MAPK8: variants seen among roughly 807,000 people sequenced by gnomAD.
The protein encoded by MAPK8 is mitogen-activated protein kinase 8.
In MAPK8, 13 loss-of-function variants were observed where a neutral mutation model predicts 52.9. That is an observed-to-expected ratio of 0.25 (90% CI 0.16 to 0.39). The LOEUF (loss-of-function observed/expected upper bound fraction) is 0.39. Among genes scored for constraint, MAPK8 ranks in the 10% least tolerant of loss-of-function variants. MAPK8 has a pLI of 1.00. For synonymous variants in MAPK8, 191 were observed against 169.8 expected (o/e 1.12, Z -0.97); for missense variants, 300 against 519.2 (o/e 0.58, Z 4.10).
intron 1 of MAPK8, among the ~76,000 whole-genome samples, chr10:48,392,925 A>G (rs960071749): frequency 2.0e-5 from 3 of 152,068 alleles, no homozygotes; most frequent in African/African-American, 7.2e-5. Flanking sequence ...CGTTCGCTCT[A>G]CTCAAATGGC....
intron 9 of MAPK8, 49 bp from the exon 10 acceptor site, chr10:48,427,031 A>G (rs2043727676): frequency 7.2e-7 from 1 of 1,388,796 alleles, no homozygotes; most frequent in African/African-American, 1.4e-5. Context: ...TACAGAGTTA[A>G]AATACTCCCA....
At chr10:48,315,677 T>G (rs1842429807) in intron 1 of MAPK8, among the ~76,000 whole-genome samples, 1 of 150,582 alleles carries the variant, frequency 6.6e-6, no homozygotes, top group Admixed American at 6.6e-5. Context: ...AGAAAGCTTT[T>G]TATTTTGTAT....
At chr10:48,354,509 G>A (rs1367571626) in intron 1 of MAPK8, among the ~76,000 whole-genome samples, 3 of 152,182 alleles carry the variant, frequency 2.0e-5, no homozygotes, top group African/African-American at 4.8e-5. Context: ...AGTTTTTAAT[G>A]TGCATCAGAA....
At chr10:48,342,575 A>G (rs985051280) in intron 1 of MAPK8, among the ~76,000 whole-genome samples, 5 of 152,220 alleles carry the variant, frequency 3.3e-5, no homozygotes, top group Admixed American at 2.0e-4. Flanking sequence ...TTAGGGAACT[A>G]TTGCAGTTAT....
intron 1 of MAPK8, among the ~76,000 whole-genome samples, chr10:48,382,136 C>T (rs1801065256): frequency 6.6e-6 from 1 of 152,100 alleles, no homozygotes; most frequent in Non-Finnish European, 1.5e-5. Context: ...AGCTCACAGA[C>T]AAGTCAAATA....
chr10:48,351,065 G>A (rs1210295996), intron 1 of MAPK8, among the ~76,000 whole-genome samples: 2 of 152,104 alleles, frequency 1.3e-5, no homozygotes, highest in African/African-American at 4.8e-5. Context: ...TACAAGGGAT[G>A]TGAAGGACCT....
At chr10:48,389,948 G>T (rs2041531550) in intron 1 of MAPK8, among the ~76,000 whole-genome samples, 1 of 152,134 alleles carries the variant, frequency 6.6e-6, no homozygotes, top group Non-Finnish European at 1.5e-5. Context: ...TGTGGGTATG[G>T]AGGTTCATAG....
chr10:48,394,739 G>C (rs2041806750), intron 1 of MAPK8, among the ~76,000 whole-genome samples: 1 of 151,664 alleles, frequency 6.6e-6, no homozygotes, highest in Admixed American at 6.6e-5. Context: ...AGTGGAGCAA[G>C]AAAAAGAATT....
At chr10:48,370,812 A>G (rs1017761892) in intron 1 of MAPK8, among the ~76,000 whole-genome samples, 10 of 152,138 alleles carry the variant, frequency 6.6e-5, no homozygotes, top group African/African-American at 1.9e-4. Context: ...TCATACTGAG[A>G]TGACCAAGAG....
chr10:48,408,842 A>G (rs1378103472), intron 3 of MAPK8, among the ~76,000 whole-genome samples: 1 of 152,146 alleles, frequency 6.6e-6, no homozygotes, highest in Non-Finnish European at 1.5e-5. Context: ...TTGATTCTTG[A>G]TGAGGGCCTG....
At chr10:48,363,888 C>T (rs1024841855) in intron 1 of MAPK8, among the ~76,000 whole-genome samples, 1 of 152,162 alleles carries the variant, frequency 6.6e-6, no homozygotes, top group East Asian at 1.9e-4. Flanking sequence ...TTCTGAAAAG[C>T]TGGTGAAGTG....
intron 1 of MAPK8, among the ~76,000 whole-genome samples, chr10:48,320,211 CTT>C (rs71026206): frequency 6.2e-3 from 220 of 35,202 alleles, no homozygotes; most frequent in African/African-American, 0.019. Context: ...ACTGCTCGGC[CTT>C]TTTTTTTTTT....
intron 1 of MAPK8, among the ~76,000 whole-genome samples, chr10:48,381,908 C>T (rs915890074): frequency 6.6e-6 from 1 of 152,162 alleles, no homozygotes; most frequent in African/African-American, 2.4e-5. Flanking sequence ...GTCGCAACTA[C>T]CCACGTGGCA....
At chr10:48,308,311 A>G (rs148231570) in intron 1 of MAPK8, 7 of 152,308 alleles carry the variant, frequency 4.6e-5, no homozygotes, top group African/African-American at 1.7e-4. Flanking sequence ...TAAAAGTCGG[A>G]TTGATGAAAA....
At chr10:48,325,450 G>A (rs1219630632) in intron 1 of MAPK8, among the ~76,000 whole-genome samples, 2 of 152,168 alleles carry the variant, frequency 1.3e-5, no homozygotes, top group East Asian at 1.9e-4. Flanking sequence ...ATAACTTTCA[G>A]TCTCTCTGTA....
intron 1 of MAPK8, among the ~76,000 whole-genome samples, chr10:48,333,028 C>T (rs1281187683): frequency 2.6e-5 from 4 of 152,144 alleles, no homozygotes; most frequent in African/African-American, 9.7e-5. Context: ...TGTCCCTTGC[C>T]ATCTGTCACT....
At chr10:48,425,323 T>G in intron 7 of MAPK8, 2 of 565,546 alleles carry the variant, frequency 3.5e-6, no homozygotes, top group Non-Finnish European at 6.4e-6. Context: ...TGAATCTTTT[T>G]TATAAGGGTC....
intron 1 of MAPK8, among the ~76,000 whole-genome samples, chr10:48,309,236 G>A (rs751154892): frequency 3.9e-5 from 6 of 152,136 alleles, no homozygotes; most frequent in Non-Finnish European, 7.4e-5. Context: ...ATATATTTCG[G>A]TTTTTAGTAT....
intron 1 of MAPK8, among the ~76,000 whole-genome samples, chr10:48,357,562 A>G (rs141861978): frequency 4.3e-4 from 66 of 152,080 alleles, no homozygotes; most frequent in African/African-American, 1.5e-3. Context: ...ACACCTGGCT[A>G]AATTTTGTAT....
Sources: gnomAD v4.1 joint callset for allele counts (sites outside exome capture counted in the v4.1 genomes callset) on GRCh38, gnomAD v4.1.1 for gene constraint, MANE v1.5 for transcripts, NCBI Gene and HGNC (gene_info 2026-07-23, HGNC 2026-07-21) for gene names.